BTRC: variants seen among roughly 807,000 people sequenced by gnomAD.
BTRC encodes F-box/WD repeat-containing protein 1A.
A neutral mutation model predicts 85.5 loss-of-function variants in BTRC; 42 were observed. The observed-to-expected ratio is 0.49, with a 90% CI of 0.38 to 0.64. The LOEUF is 0.64. Ranked by LOEUF, BTRC falls within the 30% of genes least tolerant of loss-of-function variation. BTRC has a pLI of 0.00. For synonymous variants in BTRC, 255 were observed against 263.3 expected (o/e 0.97, Z 0.30); for missense variants, 594 against 743.5 (o/e 0.80, Z 2.34).
chr10:101,410,662 A>G (rs1206096811), intron 1 of BTRC, among the ~76,000 whole-genome samples: 1 of 151,790 alleles, frequency 6.6e-6, no homozygotes, highest in Non-Finnish European at 1.5e-5. Context: ...TGAGAGTAAT[A>G]TCTTTTCAGT....
intron 4 of BTRC, among the ~76,000 whole-genome samples, chr10:101,509,736 T>C (rs1946650290): frequency 7.0e-6 from 1 of 143,204 alleles, no homozygotes; most frequent in South Asian, 2.2e-4. Flanking sequence ...TTTTTTTTTT[T>C]TTTTTGGTAG....
At chr10:101,511,807 G>A (rs991720702) in intron 4 of BTRC, among the ~76,000 whole-genome samples, 9 of 152,052 alleles carry the variant, frequency 5.9e-5, no homozygotes, top group African/African-American at 2.2e-4. Context: ...GATTACAGGC[G>A]TGAGCCACCG....
intron 1 of BTRC, among the ~76,000 whole-genome samples, chr10:101,386,974 G>A (rs375683356): frequency 1.4e-3 from 217 of 152,128 alleles, no homozygotes; most frequent in Non-Finnish European, 2.6e-3. Context: ...AAGGGATTCC[G>A]TTTCACTTTT....
In BTRC at chr10:101,554,193, GTGTAATAAAAAGCAT is replaced by G. The variant is rs992384175; in HGVS notation, c.*1075_*1089del. On this transcript the variant is annotated 3_prime_UTR_variant, in exon 15 of 15. Transcript: ENST00000370187. The stretch of plus-strand genomic sequence containing the variant: ...CATTTCCTCTCATTAACAATTGGGT[GTGTAATAAAAAGCAT>G]TGTACTTCATCTTAAATCACTGGTA... The G allele has an allele frequency of 1.3e-5, 2 of 152,220 alleles. No homozygotes were observed. The highest frequency in any genetic ancestry group is 6.5e-5 in the Admixed American group (1 of 15,288). 9.4% of individuals were successfully genotyped at this position (152,220 alleles called of 1,614,324 possible). A position where few individuals can be genotyped will look rare whatever the true frequency, so the allele number is the denominator to read the frequency against.
intron 4 of BTRC, among the ~76,000 whole-genome samples, chr10:101,484,202 G>C (rs1273594306): frequency 6.6e-6 from 1 of 152,170 alleles, no homozygotes; most frequent in African/African-American, 2.4e-5. Context: ...AACTGACTGA[G>C]ACAGAAAAAT....
intron 13 of BTRC, among the ~76,000 whole-genome samples, chr10:101,545,489 G>A (rs2062544631): frequency 6.6e-6 from 1 of 152,158 alleles, no homozygotes; most frequent in Admixed American, 6.5e-5. Flanking sequence ...TGTATTTGGA[G>A]TTATAGGAGC....
chr10:101,403,883 C>T (rs1195397507), intron 1 of BTRC, among the ~76,000 whole-genome samples: 2 of 151,590 alleles, frequency 1.3e-5, no homozygotes, highest in East Asian at 1.9e-4. Context: ...GTGTGAGCTA[C>T]TGCACCTGGC....
At chr10:101,365,803 G>C (rs909304510) in intron 1 of BTRC, among the ~76,000 whole-genome samples, 19 of 152,078 alleles carry the variant, frequency 1.2e-4, no homozygotes, top group African/African-American at 4.3e-4. Context: ...ATGTTTTACG[G>C]ATTTTCTACA....
intron 13 of BTRC, 114 bp downstream of exon 13, chr10:101,538,485 C>T: frequency 1.1e-6 from 1 of 934,832 alleles, no homozygotes; most frequent in Non-Finnish European, 1.7e-6. Flanking sequence ...ACAAAACCTA[C>T]AACTAAGTGG....
At chr10:101,384,411 G>A (rs1391754986) in intron 1 of BTRC, among the ~76,000 whole-genome samples, 1 of 152,188 alleles carries the variant, frequency 6.6e-6, no homozygotes, top group African/African-American at 2.4e-5. Flanking sequence ...GTACGTGCAG[G>A]TAGATACTTA....
intron 2 of BTRC, among the ~76,000 whole-genome samples, chr10:101,436,625 A>AATAC (rs1944537358): frequency 6.8e-6 from 1 of 146,972 alleles, no homozygotes; most frequent in Non-Finnish European, 1.5e-5. Flanking sequence ...AATTAAAAAA[A>AATAC]ATAGATAGAT....
chr10:101,452,292 TC>T (rs1944972944), intron 2 of BTRC, among the ~76,000 whole-genome samples: 1 of 152,204 alleles, frequency 6.6e-6, no homozygotes, highest in Non-Finnish European at 1.5e-5. Flanking sequence ...TTGCTACTGA[TC>T]CAAATGGTTC....
chr10:101,383,397 T>A (rs117800392), intron 1 of BTRC, among the ~76,000 whole-genome samples: 188 of 132,844 alleles, frequency 1.4e-3, no homozygotes, highest in South Asian at 3.3e-3. Flanking sequence ...TCTTCCTTTT[T>A]AAAAAAAAAA....
intron 2 of BTRC, among the ~76,000 whole-genome samples, chr10:101,438,121 G>A (rs1944579485): frequency 6.6e-6 from 1 of 152,042 alleles, no homozygotes; most frequent in African/African-American, 2.4e-5. Context: ...TGGATTAGAT[G>A]GTCATATACA....
chr10:101,519,254 A>AT (rs1359068233), intron 4 of BTRC, among the ~76,000 whole-genome samples: 5 of 151,600 alleles, frequency 3.3e-5, no homozygotes, highest in Non-Finnish European at 7.4e-5. Context: ...AATTTTTTGT[A>AT]TTTTTAGTAG....
intron 2 of BTRC, among the ~76,000 whole-genome samples, chr10:101,452,020 A>G (rs764375145): frequency 1.3e-5 from 2 of 152,214 alleles, no homozygotes; most frequent in Non-Finnish European, 2.9e-5. Flanking sequence ...AAAGGCATTC[A>G]GATTAACGAG....
Position 101,476,948 on chromosome 10 carries a change from A to C in BTRC, c.235-2420A>C, listed in dbSNP as rs543293826. Among the ~76,000 whole-genome samples the C allele has an allele frequency of 2.6e-5, 4 of 152,168 alleles. No individual in the cohort carries two copies. The East Asian group carries it at 7.7e-4, about 29-fold the overall frequency. ...GGCCTTGTTAAAAATGCAAATGTTCAGAAGCTCTGGGGATGGAAACCTAGC... is the reference window on the plus strand; with the variant it reads ...GGCCTTGTTAAAAATGCAAATGTTCCGAAGCTCTGGGGATGGAAACCTAGC... On this transcript the variant is annotated intron_variant, in intron 3 of 14. Transcript: ENST00000370187.
At chr10:101,459,993 G>C (rs187112159) in intron 2 of BTRC, among the ~76,000 whole-genome samples, 1 of 151,926 alleles carries the variant, frequency 6.6e-6, no homozygotes, top group African/African-American at 2.4e-5. Context: ...AAGTAATTAG[G>C]CTCCAAGTTA....
At position 101,509,553 on chromosome 10, in the gene BTRC, CT is replaced by C. The variant is rs747841828; in HGVS notation, c.325-12069del. Among the ~76,000 whole-genome samples the C allele has an allele frequency of 2.3e-3, 296 of 129,290 alleles. 1 individual carries two copies. The highest frequency in any genetic ancestry group is 8.6e-3 in the Middle Eastern group (2 of 232). The allele number at this position is 129,290 out of a possible 152,430, so 84.8% of individuals were successfully genotyped here. On this transcript the variant is annotated intron_variant, in intron 4 of 14. Transcript: ENST00000370187. The stretch of plus-strand genomic sequence containing the variant: ...ACAGGCGTGAGCCACCGCGCCCAGC[CT>C]TTTTTTTTTTTTTTTTGAGACAAGG...
Sources: gnomAD v4.1 joint callset for allele counts (sites outside exome capture counted in the v4.1 genomes callset) on GRCh38, gnomAD v4.1.1 for gene constraint, MANE v1.5 for transcripts, NCBI Gene and HGNC (gene_info 2026-07-23, HGNC 2026-07-21) for gene names.